Variants in MAGI1 observed in about 807,000 individuals in gnomAD.
MAGI1 encodes the protein membrane-associated guanylate kinase, WW and PDZ domain-containing protein 1.
Under a neutral mutation model 139.9 loss-of-function variants are expected in MAGI1, and 58 were observed. The observed-to-expected ratio is 0.41, with a 90% CI of 0.34 to 0.52. The LOEUF is 0.52. Among genes scored for constraint, MAGI1 ranks in the 20% least tolerant of loss-of-function variants. MAGI1 has a pLI of 0.12. For missense variants in MAGI1, 1,874 were observed against 1,901.6 expected (o/e 0.99, Z 0.27); for synonymous variants, 812 against 737.9 (o/e 1.10, Z -1.63).
At chr3:65,770,351 T>G (rs757783215) in intron 1 of MAGI1, among the ~76,000 whole-genome samples, 21 of 152,208 alleles carry the variant, frequency 1.4e-4, no homozygotes, top group Non-Finnish European at 2.2e-4. Flanking sequence ...CATATGTTCA[T>G]CTTTTAGTTG....
intron 1 of MAGI1, among the ~76,000 whole-genome samples, chr3:65,821,706 A>T (rs757535883): frequency 7.9e-5 from 12 of 152,218 alleles, no homozygotes; most frequent in Non-Finnish European, 1.5e-4. Context: ...AAAAGAAGCA[A>T]CATCATCATC....
intron 1 of MAGI1, among the ~76,000 whole-genome samples, chr3:65,926,230 A>G (rs1024455056): frequency 6.6e-6 from 1 of 152,226 alleles, no homozygotes; most frequent in African/African-American, 2.4e-5. Context: ...TACACTAAAT[A>G]GAAGGTAGTC....
In MAGI1 at chr3:65,857,875, G is replaced by C. The variant is rs150998257; in HGVS notation, c.313+180121C>G. Among the ~76,000 whole-genome samples the C allele has an allele frequency of 6.4e-3, 975 of 152,208 alleles. 5 individuals carry two copies. The highest frequency in any genetic ancestry group is 0.013 in the Admixed American group (204 of 15,294). Reference sequence around the variant, plus strand: ...TAAAAAGAGGTAGGAAGGCAAGAAGGGGGGGAACAAATGGGTCTAATCACA... The same window carrying C: ...TAAAAAGAGGTAGGAAGGCAAGAAGCGGGGGAACAAATGGGTCTAATCACA... On this transcript the variant is annotated intron_variant, in intron 1 of 22. Coordinates refer to ENST00000402939, the MANE Select transcript of MAGI1 (RefSeq NM_001033057.2).
chr3:65,929,507 G>T (rs1336761312), intron 1 of MAGI1, among the ~76,000 whole-genome samples: 1 of 151,954 alleles, frequency 6.6e-6, no homozygotes, highest in East Asian at 1.9e-4. Flanking sequence ...GCTAATTTTT[G>T]TATTTTTAGT....
intron 1 of MAGI1, among the ~76,000 whole-genome samples, chr3:65,847,381 T>G (rs1048988346): frequency 6.8e-6 from 1 of 146,808 alleles, no homozygotes; most frequent in East Asian, 1.9e-4. Flanking sequence ...CACCTGGTGG[T>G]TTTTTTTCCT....
At chr3:65,517,502 C>T (rs1280257416) in intron 2 of MAGI1, among the ~76,000 whole-genome samples, 1 of 152,218 alleles carries the variant, frequency 6.6e-6, no homozygotes, top group Non-Finnish European at 1.5e-5. Context: ...AGTCTACAAA[C>T]TGTATTTCCC....
At chr3:65,404,867 C>T (rs1945204958) in intron 12 of MAGI1, among the ~76,000 whole-genome samples, 1 of 152,208 alleles carries the variant, frequency 6.6e-6, no homozygotes, top group Admixed American at 6.5e-5. Flanking sequence ...TCATGGCATA[C>T]CAGTGGTCTT....
chr3:65,848,974 T>C (rs2059103674), intron 1 of MAGI1, among the ~76,000 whole-genome samples: 1 of 140,384 alleles, frequency 7.1e-6, no homozygotes, highest in African/African-American at 2.6e-5. Flanking sequence ...AACACTTAAC[T>C]GGCAGCTCAA....
At chr3:65,377,195 G>C (rs755506778) in intron 17 of MAGI1, among the ~76,000 whole-genome samples, 8 of 152,172 alleles carry the variant, frequency 5.3e-5, no homozygotes, top group Non-Finnish European at 2.9e-5. Context: ...ATTTGCCTGA[G>C]CTTGTATCAC....
At chr3:65,511,714 T>G (rs990189309) in intron 2 of MAGI1, among the ~76,000 whole-genome samples, 23 of 150,000 alleles carry the variant, frequency 1.5e-4, no homozygotes, top group African/African-American at 5.6e-4. Context: ...TGGGAGACTT[T>G]AACACCCCAC....
intron 1 of MAGI1, among the ~76,000 whole-genome samples, chr3:65,811,672 A>C (rs923983150): frequency 5.9e-5 from 9 of 152,028 alleles, no homozygotes; most frequent in Non-Finnish European, 1.5e-5. Context: ...TGTAGCAAAA[A>C]TAAATAAATA....
At chr3:65,922,942 A>T (rs2108745931) in intron 1 of MAGI1, among the ~76,000 whole-genome samples, 2 of 61,130 alleles carry the variant, frequency 3.3e-5, no homozygotes, top group Non-Finnish European at 5.3e-5. Flanking sequence ...GGAAAACATA[A>T]CATTTTTTTC....
At chr3:65,570,765 A>T (rs1356185923) in intron 2 of MAGI1, among the ~76,000 whole-genome samples, 1 of 152,192 alleles carries the variant, frequency 6.6e-6, no homozygotes, top group Non-Finnish European at 1.5e-5. Flanking sequence ...ATGTGGAAAA[A>T]ATCCAGATCA....
At position 65,552,259 on chromosome 3, in the gene MAGI1, GGTGTGTGTGTGTGT is replaced by G. The variant is rs10576104; in HGVS notation, c.431-58642_431-58629del. Among the ~76,000 whole-genome samples, 8 of 147,940 alleles carry G rather than the reference GGTGTGTGTGTGTGT, an allele frequency of 5.4e-5. No individual in the cohort carries two copies. In the East Asian group the frequency reaches 1.4e-3, roughly 26 times the overall value. ...GGCTCAGCTCAGGAGTGTGTATAGG[GGTGTGTGTGTGTGT>G]GTGTGTGTGTGTGTGTCCCCATTCC... On this transcript the variant is annotated intron_variant, in intron 2 of 22. Coordinates refer to ENST00000402939, the MANE Select transcript of MAGI1 (RefSeq NM_001033057.2).
chr3:65,671,924 C>T (rs530654581), intron 1 of MAGI1, among the ~76,000 whole-genome samples: 29 of 152,190 alleles, frequency 1.9e-4, no homozygotes, highest in African/African-American at 6.3e-4. Flanking sequence ...AAAGCTGACC[C>T]GTGATAGACT....
chr3:65,457,278 C>T (rs1949463075), intron 5 of MAGI1, among the ~76,000 whole-genome samples: 1 of 152,110 alleles, frequency 6.6e-6, no homozygotes, highest in African/African-American at 2.4e-5. Context: ...GGCTTTTCCC[C>T]TCAGCATAAT....
chr3:65,493,436 T>G, intron 3 of MAGI1, 76 bp downstream of exon 3: 1 of 1,583,602 alleles, frequency 6.3e-7, no homozygotes, highest in Non-Finnish European at 8.6e-7. Context: ...CCACAAAACA[T>G]TTTTGCCTGG....
chr3:65,494,058 C>T (rs1030607603), intron 2 of MAGI1, among the ~76,000 whole-genome samples: 3 of 152,176 alleles, frequency 2.0e-5, no homozygotes, highest in Non-Finnish European at 2.9e-5. Context: ...TTGAGATTCT[C>T]GTATTCCTCA....
intron 1 of MAGI1, among the ~76,000 whole-genome samples, chr3:65,826,669 A>T (rs1222227665): frequency 3.3e-5 from 5 of 152,230 alleles, no homozygotes; most frequent in African/African-American, 1.2e-4. Flanking sequence ...CATGGATTTT[A>T]AAAAATTGTC....
Sources: allele counts gnomAD v4.1 joint callset (sites outside exome capture counted in the v4.1 genomes callset), GRCh38; gene constraint gnomAD v4.1.1; transcripts MANE v1.5; gene names NCBI Gene and HGNC (gene_info 2026-07-23, HGNC 2026-07-21).